Variants in TRIM45 observed in about 807,000 individuals in gnomAD.
TRIM45 encodes E3 ubiquitin-protein ligase TRIM45.
A neutral mutation model predicts 46.7 loss-of-function variants in TRIM45; 45 were observed. That is an observed-to-expected ratio of 0.96 (90% CI 0.76 to 1.24). TRIM45 has a LOEUF of 1.24. Among genes scored for constraint, TRIM45 ranks in the 50% most tolerant of loss-of-function variants. The pLI is 0.00. For missense variants in TRIM45, 680 were observed against 728.4 expected (o/e 0.93, Z 0.77); for synonymous variants, 259 against 285.8 (o/e 0.91, Z 0.94).
In TRIM45 at chr1:117,113,434, C is replaced by T. The variant is rs756785406; in HGVS notation, c.1519G>A (p.Val507Met). 40 of 1,612,674 alleles carry T rather than the reference C, an allele frequency of 2.5e-5. No individual in the cohort carries two copies. The East Asian group carries it at 4.0e-4, about 16-fold the overall frequency. Residue 507 changes from valine to methionine, a missense_variant, in exon 5 of 6, where the codon GTG (valine) becomes ATG (methionine). By Grantham distance (21) the Val-to-Met change is conservative. Transcript: ENST00000256649. This position sits in a 1 kb window ranked among gnomAD's most constrained non-coding sequence, Gnocchi z 4.0. ...VRRKHRPHSG[V>M]FHCCTFCSSG... ...GAGCAGAAGGTGCAGCAGTGAAACA[C>T]GCCTGAGTGTGGGCGGTGCTTTCTC...
chr1:117,118,036 TCTC>T lies in TRIM45; in HGVS notation c.1217_1219del (p.Gly406del), dbSNP rs757833935. The T allele has an allele frequency of 2.7e-5, 44 of 1,611,436 alleles. No homozygotes were observed. Among genetic ancestry groups the T allele is most frequent in the Non-Finnish European group, 3.4e-5 (40 of 1,178,504 alleles). On this transcript the variant is annotated inframe_deletion, in exon 2 of 6. Coordinates refer to ENST00000256649, the MANE Select transcript of TRIM45 (RefSeq NM_025188.4). This position sits in a 1 kb window ranked among gnomAD's most constrained non-coding sequence, Gnocchi z 5.7. The stretch of plus-strand genomic sequence containing the variant: ...GTCAATGGGAAATGCCTTCCTACCT[TCTC>T]CTTGTAGGACACATTTGGCTGGATC...
In TRIM45 at chr1:117,111,357, G is replaced by C; in HGVS notation, c.*948C>G. The C allele has an allele frequency of 6.6e-6, 1 of 152,176 alleles. No individual in the cohort carries two copies. Among genetic ancestry groups the C allele is most frequent in the East Asian group, 1.9e-4 (1 of 5,196 alleles). The allele number at this position is 152,176 out of a possible 1,614,324, so 9.4% of individuals were successfully genotyped here. A position where few individuals can be genotyped will look rare whatever the true frequency, so the allele number is the denominator to read the frequency against. Reference sequence around the variant, plus strand: ...GGTGTCTAGATTTTCTGTATAAGTAGAACTGTAATAAATGTATGAGGTTCT... The same window carrying C: ...GGTGTCTAGATTTTCTGTATAAGTACAACTGTAATAAATGTATGAGGTTCT... On this transcript the variant is annotated 3_prime_UTR_variant, in exon 6 of 6. Transcript: ENST00000256649.
In TRIM45 at chr1:117,115,544, G is replaced by C; in HGVS notation, c.1467+31C>G. Reference sequence around the variant, plus strand: ...AGATCCTAAGACAGTAGAATCCAGGGAGCTCAGGGAAGCACGTGCACCAGT... The same window carrying C: ...AGATCCTAAGACAGTAGAATCCAGGCAGCTCAGGGAAGCACGTGCACCAGT... On this transcript the variant is annotated intron_variant, in intron 4 of 5. Coordinates refer to ENST00000256649, the MANE Select transcript of TRIM45 (RefSeq NM_025188.4). This position sits in a 1 kb window ranked among gnomAD's most constrained non-coding sequence, Gnocchi z 4.2. 1.4e-6 allele frequency: 2 copies of C among 1,459,502 alleles called. No homozygotes were observed. Among genetic ancestry groups the C allele is most frequent in the South Asian group, 2.3e-5 (2 of 87,826 alleles). 90.4% of individuals were successfully genotyped at this position (1,459,502 alleles called of 1,614,324 possible). A position where few individuals can be genotyped will look rare whatever the true frequency, so the allele number is the denominator to read the frequency against.
chr1:117,119,959 A>G (rs1650559282), intron 1 of TRIM45, among the ~76,000 whole-genome samples: 1 of 152,224 alleles, frequency 6.6e-6, no homozygotes, highest in Non-Finnish European at 1.5e-5. Flanking sequence ...AACCTATTTT[A>G]GGCTAATCCT....
In TRIM45 at chr1:117,115,477, A is replaced by G. The variant is rs1423913190; in HGVS notation, c.1467+98T>C. On this transcript the variant is annotated intron_variant, in intron 4 of 5. Coordinates refer to ENST00000256649, the MANE Select transcript of TRIM45 (RefSeq NM_025188.4). The surrounding 1 kb of genome is among the most constrained non-coding windows in gnomAD (Gnocchi z 4.2). Reference sequence around the variant, plus strand: ...GTGAAGAAGAAGACATGGGGATTCTATTCAATCTCTCTGTATAGCTGATCC... The same window carrying G: ...GTGAAGAAGAAGACATGGGGATTCTGTTCAATCTCTCTGTATAGCTGATCC... 1 of 855,444 alleles carries G rather than the reference A, an allele frequency of 1.2e-6. No homozygotes were observed. Among genetic ancestry groups the G allele is most frequent in the African/African-American group, 1.7e-5 (1 of 59,292 alleles). The allele number at this position is 855,444 out of a possible 1,614,324, so 53.0% of individuals were successfully genotyped here. A position where few individuals can be genotyped will look rare whatever the true frequency, so the allele number is the denominator to read the frequency against.
At chr1:117,123,898 T>C (rs1021601358), upstream of TRIM45, among the ~76,000 whole-genome samples, 2 of 152,226 alleles carry the variant, frequency 1.3e-5, no homozygotes, top group African/African-American at 4.8e-5. Flanking sequence ...CCCAAAGCGC[T>C]GGGATTACAG....
At position 117,115,021 on chromosome 1, in the gene TRIM45, T is replaced by C. The variant is rs1370979054; in HGVS notation, c.1467+554A>G. Among the ~76,000 whole-genome samples the C allele has an allele frequency of 6.6e-6, 1 of 152,240 alleles. No homozygotes were observed. Reference sequence around the variant, plus strand: ...GAAAGTGCTCTACTTGTGTTATACTTGTTTGTAGAAACCATGGTAACGTAA... The same window carrying C: ...GAAAGTGCTCTACTTGTGTTATACTCGTTTGTAGAAACCATGGTAACGTAA... On this transcript the variant is annotated intron_variant, in intron 4 of 5. Coordinates refer to ENST00000256649, the MANE Select transcript of TRIM45 (RefSeq NM_025188.4). This position sits in a 1 kb window ranked among gnomAD's most constrained non-coding sequence, Gnocchi z 4.2.
chr1:117,120,649 A>G lies in TRIM45; in HGVS notation c.488+65T>C, dbSNP rs544667130. 48 of 1,521,672 alleles carry G rather than the reference A, an allele frequency of 3.2e-5. 1 individual carries two copies. In the South Asian group the frequency reaches 6.2e-4, roughly 20 times the overall value. 94.3% of individuals were successfully genotyped at this position (1,521,672 alleles called of 1,614,324 possible). A position where few individuals can be genotyped will look rare whatever the true frequency, so the allele number is the denominator to read the frequency against. ...TTCCTTTTCATCTGCTCACCGAGGG[A>G]TTTGTCTTGACACCTCTTTGTAATC... is the stretch of plus-strand genomic sequence containing the variant. On this transcript the variant is annotated intron_variant, in intron 1 of 5. Transcript: ENST00000256649.
In TRIM45 at chr1:117,118,786, A is replaced by T; in HGVS notation, c.489-19T>A. Reference sequence around the variant, plus strand: ...CTGCCGCCTAGGGGCAAACAGAATCAGTAACAGGAAATAAGGGGATAATTC... The same window carrying T: ...CTGCCGCCTAGGGGCAAACAGAATCTGTAACAGGAAATAAGGGGATAATTC... On this transcript the variant is annotated intron_variant, in intron 1 of 5. Coordinates refer to ENST00000256649, the MANE Select transcript of TRIM45 (RefSeq NM_025188.4). This position sits in a 1 kb window ranked among gnomAD's most constrained non-coding sequence, Gnocchi z 5.7. 8.1e-6 allele frequency: 13 copies of T among 1,601,850 alleles called. No individual in the cohort carries two copies. The highest frequency in any genetic ancestry group is 1.1e-5 in the Non-Finnish European group (13 of 1,173,206).
rs1222825598 is a variant in TRIM45 at position 117,121,728 on chromosome 1, C to G, written c.-527G>C. Reference sequence around the variant, plus strand: ...CCACCGCCTCTCCCGCGCCTCGGCCCGGGACGCCCGCGGGCTCTGGCCCCT... The same window carrying G: ...CCACCGCCTCTCCCGCGCCTCGGCCGGGGACGCCCGCGGGCTCTGGCCCCT... On this transcript the variant is annotated 5_prime_UTR_variant, in exon 1 of 6. Transcript: ENST00000256649. The surrounding 1 kb of genome is among the most constrained non-coding windows in gnomAD (Gnocchi z 4.2). 1.6e-6 allele frequency: 1 copy of G among 607,974 alleles called. No individual in the cohort carries two copies. The highest frequency in any genetic ancestry group is 2.0e-5 in the African/African-American group (1 of 51,160). The allele number at this position is 607,974 out of a possible 1,614,324, so 37.7% of individuals were successfully genotyped here.
intron 4 of TRIM45, among the ~76,000 whole-genome samples, chr1:117,114,259 T>C (rs1650320483): frequency 6.6e-6 from 1 of 152,254 alleles, no homozygotes; most frequent in African/African-American, 2.4e-5. Context: ...ATCTGCCCCC[T>C]TTCCTTTAAG....
upstream of TRIM45, chr1:117,122,003 G>A (rs1041031433): frequency 7.1e-6 from 4 of 566,408 alleles, no homozygotes; most frequent in Admixed American, 3.3e-5. Flanking sequence ...GAGCGGCATA[G>A]TGTAGTCAGC....
Position 117,115,508 on chromosome 1 carries a change from G to T in TRIM45, c.1467+67C>A. ...TCTCTCTGTATAGCTGATCCTATGT[G>T]AAATGTCTCCAGATCCTAAGACAGT... On this transcript the variant is annotated intron_variant, in intron 4 of 5. Coordinates refer to ENST00000256649, the MANE Select transcript of TRIM45 (RefSeq NM_025188.4). This position sits in a 1 kb window ranked among gnomAD's most constrained non-coding sequence, Gnocchi z 4.2. The T allele has an allele frequency of 1.8e-6, 2 of 1,130,576 alleles. No individual in the cohort carries two copies. The highest frequency in any genetic ancestry group is 2.7e-6 in the Non-Finnish European group (2 of 743,496). The allele number at this position is 1,130,576 out of a possible 1,614,324, so 70.0% of individuals were successfully genotyped here.
chr1:117,119,335 G>A (rs939293903), intron 1 of TRIM45, among the ~76,000 whole-genome samples: 3 of 152,242 alleles, frequency 2.0e-5, no homozygotes, highest in Non-Finnish European at 2.9e-5. Context: ...GCCGGGCGCG[G>A]TGGCTCACGC....
chr1:117,120,448 G>A (rs755997050), intron 1 of TRIM45, among the ~76,000 whole-genome samples: 2 of 152,166 alleles, frequency 1.3e-5, no homozygotes, highest in Non-Finnish European at 2.9e-5. Context: ...TTCACTACAC[G>A]AATGACTGAA....
intron 1 of TRIM45, among the ~76,000 whole-genome samples, chr1:117,119,482 C>T (rs1650537798): frequency 6.6e-6 from 1 of 152,126 alleles, no homozygotes; most frequent in African/African-American, 2.4e-5. Context: ...TGGCATGTGC[C>T]TGTAATCCCA....
rs1032670298 is a variant in TRIM45, at chr1:117,113,936, A to G, written c.1468-451T>C. On this transcript the variant is annotated intron_variant, in intron 4 of 5. Transcript: ENST00000256649. This position sits in a 1 kb window ranked among gnomAD's most constrained non-coding sequence, Gnocchi z 4.0. ...GCCTCACTCTATCCTTGTATGAAGTATAAGTACCTAGATCATTCAATACAT... is the reference window on the plus strand; with the variant it reads ...GCCTCACTCTATCCTTGTATGAAGTGTAAGTACCTAGATCATTCAATACAT... Among the ~76,000 whole-genome samples, 10 of 152,268 alleles carry G rather than the reference A, an allele frequency of 6.6e-5. No homozygotes were observed. Among genetic ancestry groups the G allele is most frequent in the African/African-American group, 1.4e-4 (6 of 41,468 alleles).
rs377270185 is a variant in TRIM45 at position 117,118,139 on chromosome 1, G to A, written c.1117C>T (p.Arg373Cys). ...STRPGVNDKI[R>C]FCPQEKAGQC... Reference sequence around the variant, plus strand: ...CCTGCTTTCTCCTGAGGACAGAAGCGTATCTTATCATTTACTCCAGGACGG... The same window carrying A: ...CCTGCTTTCTCCTGAGGACAGAAGCATATCTTATCATTTACTCCAGGACGG... The change falls in exon 2 of 6, where the codon CGC becomes TGC. Residue 373 changes from arginine (R) to cysteine (C), a missense_variant. Arg to Cys is a radical substitution (Grantham distance 180). This residue lies in a region of TRIM45 where 322 missense variants were observed against 359.3 expected (regional missense o/e 0.90). Coordinates refer to ENST00000256649, the MANE Select transcript of TRIM45 (RefSeq NM_025188.4). This position sits in a 1 kb window ranked among gnomAD's most constrained non-coding sequence, Gnocchi z 5.7. 25 of 1,614,078 alleles carry A rather than the reference G, an allele frequency of 1.5e-5. No homozygotes were observed. The African/African-American group carries it at 2.1e-4, about 14-fold the overall frequency.
Position 117,117,983 on chromosome 1 carries a change from C to T in TRIM45, c.1222+51G>A. 2 of 1,574,422 alleles carry T rather than the reference C, an allele frequency of 1.3e-6. No individual in the cohort carries two copies. Among genetic ancestry groups the T allele is most frequent in the Non-Finnish European group, 1.7e-6 (2 of 1,160,138 alleles). On this transcript the variant is annotated intron_variant, in intron 2 of 5. Coordinates refer to ENST00000256649, the MANE Select transcript of TRIM45 (RefSeq NM_025188.4). This position sits in a 1 kb window ranked among gnomAD's most constrained non-coding sequence, Gnocchi z 4.9. Reference sequence around the variant, plus strand: ...AGAACAAGCCACCAATCTTCACACACCACCTCCCTGTCCACTGCCCTCTCA... The same window carrying T: ...AGAACAAGCCACCAATCTTCACACATCACCTCCCTGTCCACTGCCCTCTCA...
Sources: allele counts gnomAD v4.1 joint callset (sites outside exome capture counted in the v4.1 genomes callset), GRCh38; gene constraint gnomAD v4.1.1; regional missense constraint gnomAD v4.1.1; non-coding constraint Gnocchi (gnomAD v3.1); transcripts MANE v1.5; gene names NCBI Gene and HGNC (gene_info 2026-07-23, HGNC 2026-07-21).